The following ALOX5AP variants were observed in gnomAD, a reference collection of about 807,000 sequenced individuals.
ALOX5AP encodes arachidonate 5-lipoxygenase-activating protein.
ALOX5AP carries 9 observed loss-of-function variants against 18.5 expected under a neutral mutation model. The ratio of observed to expected loss-of-function variants is 0.49; its 90% CI spans 0.29 to 0.85. The LOEUF is 0.85. Among genes scored for constraint, ALOX5AP ranks in the 40% least tolerant of loss-of-function variants. The probability of loss-of-function intolerance (pLI) is 0.08; values close to 1 mark genes in which losing one functional copy is unlikely to be tolerated. For missense variants in ALOX5AP, 172 were observed against 202.5 expected, an observed-to-expected ratio of 0.85 and a Z score of 0.91; for synonymous variants, 81 against 78.6, an observed-to-expected ratio of 1.03 and a Z score of -0.16.
At chr13:30,756,227 A>G (rs1951892622) in intron 4 of ALOX5AP, among the ~76,000 whole-genome samples, 1 of 152,150 alleles carries the variant, frequency 6.6e-6, no homozygotes, top group African/African-American at 2.4e-5. Flanking sequence ...GGACTTGCCC[A>G]GTTTTCTTAT....
chr13:30,745,610 A>G (rs1416517277), intron 2 of ALOX5AP, among the ~76,000 whole-genome samples: 1 of 152,252 alleles, frequency 6.6e-6, no homozygotes, highest in East Asian at 1.9e-4. Context: ...TAGGTCTTCC[A>G]TGTATTAATT....
At chr13:30,728,604 T>C (rs934851170) in intron 1 of ALOX5AP, among the ~76,000 whole-genome samples, 4 of 152,196 alleles carry the variant, frequency 2.6e-5, no homozygotes, top group Admixed American at 2.6e-4. Flanking sequence ...TATGTTTAGC[T>C]TTTAAGAAAC....
chr13:30,761,355 TTTATC>T (rs1241335965), intron 4 of ALOX5AP, among the ~76,000 whole-genome samples: 2 of 152,206 alleles, frequency 1.3e-5, no homozygotes, highest in Non-Finnish European at 2.9e-5. Flanking sequence ...TCACTTCGGT[TTTATC>T]TTGAGTGTAA....
At chr13:30,734,790 G>T (rs574902887), upstream of ALOX5AP, among the ~76,000 whole-genome samples, 73 of 152,246 alleles carry the variant, frequency 4.8e-4, no homozygotes, top group African/African-American at 1.6e-3. Flanking sequence ...TTTAATTTAT[G>T]AATTCCCTTT....
rs141706743 is a variant in ALOX5AP at position 30,727,902 on chromosome 13, GC to G, written c.117-7646del. Among the ~76,000 whole-genome samples the G allele has an allele frequency of 2.3e-3, 354 of 152,114 alleles. 5 individuals carry two copies. The highest frequency in any genetic ancestry group is 8.2e-3 in the African/African-American group (339 of 41,476). Reference sequence around the variant, plus strand: ...GCCTTTCTTTCCCTCCTGACAGTCTGCCCTTTAGATTTTAGGATTCAGCACC... The same window carrying G: ...GCCTTTCTTTCCCTCCTGACAGTCTGCCTTTAGATTTTAGGATTCAGCACC... On this transcript the variant is annotated intron_variant, in intron 1 of 5. Transcript: ENST00000617770.
intron 2 of ALOX5AP, among the ~76,000 whole-genome samples, chr13:30,744,627 G>T (rs1951794543): frequency 6.6e-6 from 1 of 152,152 alleles, no homozygotes; most frequent in Non-Finnish European, 1.5e-5. Context: ...TAACACGGGG[G>T]CTCCTTGAGC....
In ALOX5AP at chr13:30,760,224, C is replaced by A. The variant is rs1182363760; in HGVS notation, c.324-3720C>A. 9.4e-5 allele frequency among the ~76,000 whole-genome samples: 14 copies of A among 149,082 alleles called. No individual in the cohort carries two copies. In the Admixed American group the frequency reaches 9.4e-4, roughly 10 times the overall value. On this transcript the variant is annotated intron_variant, in intron 4 of 4. Coordinates refer to ENST00000380490, the MANE Select transcript of ALOX5AP (RefSeq NM_001629.4). ...ACTGTAATGTTTTCTGTTCCTACCTCGTATTTTGTTCACATTAAGAACCTG... is the reference window on the plus strand; with the variant it reads ...ACTGTAATGTTTTCTGTTCCTACCTAGTATTTTGTTCACATTAAGAACCTG...
upstream of ALOX5AP, among the ~76,000 whole-genome samples, chr13:30,734,803 T>A (rs1951707667): frequency 6.6e-6 from 1 of 152,244 alleles, no homozygotes. Context: ...TTCCCTTTAT[T>A]ACTTTTCTCT....
intron 2 of ALOX5AP, among the ~76,000 whole-genome samples, chr13:30,748,417 AG>A (rs1951826273): frequency 1.3e-5 from 2 of 152,358 alleles, no homozygotes; most frequent in South Asian, 4.1e-4. Context: ...GAAAAATGAA[AG>A]GGAATATAGC....
upstream of ALOX5AP, among the ~76,000 whole-genome samples, chr13:30,733,380 C>T (rs1301200537): frequency 1.3e-5 from 2 of 152,322 alleles, no homozygotes; most frequent in East Asian, 3.9e-4. Flanking sequence ...ATTTCTGATG[C>T]ATTGTCACTA....
chr13:30,730,164 T>G (rs960981104), intron 1 of ALOX5AP, among the ~76,000 whole-genome samples: 4 of 152,214 alleles, frequency 2.6e-5, no homozygotes, highest in African/African-American at 9.6e-5. Context: ...ATGTGTGAAG[T>G]TTAATCAATA....
chr13:30,724,658 C>T (rs1365839393), intron 1 of ALOX5AP, among the ~76,000 whole-genome samples: 1 of 152,176 alleles, frequency 6.6e-6, no homozygotes, highest in South Asian at 2.1e-4. Flanking sequence ...TTTTGAGAAA[C>T]ATCTTCTAGC....
At chr13:30,746,183 C>T (rs1372259906) in intron 2 of ALOX5AP, among the ~76,000 whole-genome samples, 1 of 152,160 alleles carries the variant, frequency 6.6e-6, no homozygotes, top group Non-Finnish European at 1.5e-5. Context: ...TTGGGAAGGT[C>T]GTTTGGAAGT....
chr13:30,741,067 A>C (rs1951758890), intron 1 of ALOX5AP, among the ~76,000 whole-genome samples: 1 of 139,118 alleles, frequency 7.2e-6, no homozygotes, highest in African/African-American at 2.6e-5. Context: ...AAAATGGCAT[A>C]GTATTTGCAT....
intron 1 of ALOX5AP, among the ~76,000 whole-genome samples, chr13:30,730,308 G>T (rs547741267): frequency 6.6e-6 from 1 of 152,216 alleles, no homozygotes; most frequent in Non-Finnish European, 1.5e-5. Flanking sequence ...CCACCTGATT[G>T]TGGCCAGGGA....
chr13:30,724,303 T>A (rs1417602681), intron 1 of ALOX5AP, among the ~76,000 whole-genome samples: 1 of 152,258 alleles, frequency 6.6e-6, no homozygotes, highest in East Asian at 1.9e-4. Context: ...AATTCCATTA[T>A]AAGAATATAC....
At chr13:30,741,593 G>A (rs2137809358) in intron 1 of ALOX5AP, among the ~76,000 whole-genome samples, 1 of 128,098 alleles carries the variant, frequency 7.8e-6, no homozygotes, top group Middle Eastern at 4.8e-3. Context: ...ATTTTTAGTA[G>A]AGATGGGGTG....
intron 1 of ALOX5AP, among the ~76,000 whole-genome samples, chr13:30,736,462 T>C (rs1951722713): frequency 6.6e-6 from 1 of 152,248 alleles, no homozygotes; most frequent in Non-Finnish European, 1.5e-5. Context: ...ACCACTTTCA[T>C]AACTATCTCC....
exon 1 of ALOX5AP, chr13:30,713,657 C>A: frequency 8.7e-7 from 1 of 1,149,756 alleles, no homozygotes; most frequent in East Asian, 2.6e-5. Flanking sequence ...CACATCTGGA[C>A]AATTCTGCAA....
Sources: gnomAD v4.1 joint callset for allele counts (sites outside exome capture counted in the v4.1 genomes callset) on GRCh38, gnomAD v4.1.1 for gene constraint, MANE v1.5 for transcripts, NCBI Gene and HGNC (gene_info 2026-07-23, HGNC 2026-07-21) for gene names.